Variants in LRP5 observed in about 807,000 individuals in gnomAD.
LRP5 encodes LDL receptor related protein 5.
In LRP5, 62 loss-of-function variants were observed where a neutral mutation model predicts 154.1. The observed-to-expected ratio is 0.40, with a 90% confidence interval of 0.33 to 0.50. The LOEUF is 0.50. Ranked by LOEUF, LRP5 falls within the 20% of genes least tolerant of loss-of-function variation. LRP5 has a pLI of 0.55. For synonymous variants in LRP5, 966 were observed against 1,011.5 expected, an observed-to-expected ratio of 0.96 and a Z score of 0.85; for missense variants, 1,915 against 2,336.7, an observed-to-expected ratio of 0.82 and a Z score of 3.72.
At chr11:68,344,061 C>G (rs899583236) in intron 1 of LRP5, among the ~76,000 whole-genome samples, 1 of 152,152 alleles carries the variant, frequency 6.6e-6, no homozygotes, top group Middle Eastern at 3.4e-3. Context: ...GGACTTCACC[C>G]GCAGCCCAGT....
At chr11:68,368,499 C>T (rs1244001130) in intron 5 of LRP5, among the ~76,000 whole-genome samples, 1 of 152,240 alleles carries the variant, frequency 6.6e-6, no homozygotes, top group Non-Finnish European at 1.5e-5. Context: ...ATGAGGTGAG[C>T]TCTGTTGTTG....
At chr11:68,398,929 G>T (rs2098651118) in intron 7 of LRP5, among the ~76,000 whole-genome samples, 1 of 152,046 alleles carries the variant, frequency 6.6e-6, no homozygotes, top group Admixed American at 6.6e-5. Context: ...TAAAGACAGG[G>T]TCTTTCTATG....
chr11:68,428,664 C>T (rs547289673), intron 16 of LRP5, among the ~76,000 whole-genome samples: 21 of 151,270 alleles, frequency 1.4e-4, no homozygotes, highest in East Asian at 6.0e-4. Context: ...GAGATGACCT[C>T]GTCTTGAGAT....
chr11:68,423,839 AAC>A lies in LRP5; in HGVS notation c.3236+146_3236+147del. ...GTGGCTTTCCAGGGTCCCAAAAGCA[AAC>A]ACAGGCTCTTTCACAGCCCCTCCAG... On this transcript the variant is annotated intron_variant, in intron 14 of 22. Coordinates refer to ENST00000294304, the MANE Select transcript of LRP5 (RefSeq NM_002335.4). The surrounding 1 kb of genome is among the most constrained non-coding windows in gnomAD (Gnocchi z 4.7). 1 of 743,420 alleles carries A rather than the reference AAC, an allele frequency of 1.3e-6. No individual in the cohort carries two copies. The highest frequency in any genetic ancestry group is 2.2e-6 in the Non-Finnish European group (1 of 458,006). The allele number at this position is 743,420 out of a possible 1,614,324, so 46.1% of individuals were successfully genotyped here.
At chr11:68,432,068 G>A (rs907219061) in intron 17 of LRP5, among the ~76,000 whole-genome samples, 2 of 152,198 alleles carry the variant, frequency 1.3e-5, no homozygotes, top group South Asian at 2.1e-4. Flanking sequence ...GGCAAGAGGC[G>A]GCCACAGTCA....
At chr11:68,325,019 C>A (rs1324182909) in intron 1 of LRP5, among the ~76,000 whole-genome samples, 6 of 152,196 alleles carry the variant, frequency 3.9e-5, no homozygotes, top group Admixed American at 2.0e-4. Context: ...GCTCCTGTGC[C>A]CTGCACAGCC....
At chr11:68,389,364 A>ACTAG (rs2098644959) in intron 6 of LRP5, among the ~76,000 whole-genome samples, 2 of 152,164 alleles carry the variant, frequency 1.3e-5, no homozygotes, top group Admixed American at 1.3e-4. Context: ...GTTTACCGAC[A>ACTAG]CTAGCATCTA....
At chr11:68,383,737 A>T (rs961625553) in intron 5 of LRP5, among the ~76,000 whole-genome samples, 2 of 152,102 alleles carry the variant, frequency 1.3e-5, no homozygotes, top group African/African-American at 4.8e-5. Context: ...CATGAGGCCG[A>T]CTGTTGGTAT....
At chr11:68,428,177 T>TA (rs1362536695) in intron 16 of LRP5, among the ~76,000 whole-genome samples, 1 of 151,902 alleles carries the variant, frequency 6.6e-6, no homozygotes, top group Non-Finnish European at 1.5e-5. Flanking sequence ...GTATTTTTAG[T>TA]AGAGACGGGT....
At chr11:68,420,226 CT>C (rs2098664808) in intron 13 of LRP5, among the ~76,000 whole-genome samples, 1 of 152,244 alleles carries the variant, frequency 6.6e-6, no homozygotes, top group South Asian at 2.1e-4. Context: ...CACTCCTCAT[CT>C]CCCTCTGACA....
intron 5 of LRP5, among the ~76,000 whole-genome samples, chr11:68,382,337 T>C (rs2098640698): frequency 6.6e-6 from 1 of 152,078 alleles, no homozygotes; most frequent in African/African-American, 2.4e-5. Flanking sequence ...CTAGGCCCAT[T>C]TGGGACACCC....
chr11:68,313,295 C>T (rs2098590130), intron 1 of LRP5, among the ~76,000 whole-genome samples: 1 of 151,994 alleles, frequency 6.6e-6, no homozygotes, highest in Non-Finnish European at 1.5e-5. Context: ...GGGCGCGGGG[C>T]GGCCTGGCCG....
At chr11:68,298,726 A>G in the LRP5 span, among the ~76,000 whole-genome samples, 1 of 152,162 alleles carries the variant, frequency 6.6e-6, no homozygotes. Context: ...ACCAGGGAGC[A>G]GGAGGGGCCT....
chr11:68,440,635 G>A, intron 21 of LRP5, among the ~76,000 whole-genome samples: 1 of 152,200 alleles, frequency 6.6e-6, no homozygotes, highest in Non-Finnish European at 1.5e-5. Context: ...TCCTGCAGCT[G>A]TATGCCCCTA....
At chr11:68,437,870 C>T (rs1024872246) in intron 19 of LRP5, among the ~76,000 whole-genome samples, 2 of 152,384 alleles carry the variant, frequency 1.3e-5, no homozygotes, top group African/African-American at 4.8e-5. Context: ...CAGGCCTCGC[C>T]GCCAGAGCCC....
chr11:68,393,708 G>A (rs546404154), intron 7 of LRP5, among the ~76,000 whole-genome samples: 3 of 152,288 alleles, frequency 2.0e-5, no homozygotes, highest in African/African-American at 7.2e-5. Flanking sequence ...TTGAACCCGG[G>A]AGGCAGAGGT....
intron 5 of LRP5, among the ~76,000 whole-genome samples, chr11:68,367,587 T>C (rs2098631769): frequency 6.6e-6 from 1 of 152,198 alleles, no homozygotes; most frequent in African/African-American, 2.4e-5. Flanking sequence ...GCCTGTCTGT[T>C]GGTGAGAAGA....
Position 68,353,546 on chromosome 11 carries a change from G to A in LRP5, c.489-4104G>A, listed in dbSNP as rs929260824. ...GTGGTCCTCAGGCATAAGTGTGGGCGCTGAGTCCTGGGGCAGGACTGCTGT... is the reference window on the plus strand; with the variant it reads ...GTGGTCCTCAGGCATAAGTGTGGGCACTGAGTCCTGGGGCAGGACTGCTGT... On this transcript the variant is annotated intron_variant, in intron 2 of 22. Coordinates refer to ENST00000294304, the MANE Select transcript of LRP5 (RefSeq NM_002335.4). The surrounding 1 kb of genome is among the most constrained non-coding windows in gnomAD (Gnocchi z 4.5). 6.6e-6 allele frequency among the ~76,000 whole-genome samples: 1 copy of A among 152,322 alleles called. No individual in the cohort carries two copies. The highest frequency in any genetic ancestry group is 3.4e-3 in the Middle Eastern group (1 of 294).
chr11:68,448,705 C>G (rs2098682753), intron 22 of LRP5, 104 bp from the exon 23 acceptor site: 1 of 1,413,170 alleles, frequency 7.1e-7, no homozygotes, highest in South Asian at 1.2e-5. Context: ...TCTTCTGGAG[C>G]TGGCCAGTGG....
Sources: allele counts gnomAD v4.1 joint callset (sites outside exome capture counted in the v4.1 genomes callset), GRCh38; gene constraint gnomAD v4.1.1; non-coding constraint Gnocchi (gnomAD v3.1); transcripts MANE v1.5; gene names NCBI Gene and HGNC (gene_info 2026-07-23, HGNC 2026-07-21).